Variants in GALNT17 observed in about 807,000 individuals in gnomAD.
GALNT17 encodes polypeptide N-acetylgalactosaminyltransferase 17.
In GALNT17, 29 loss-of-function variants were observed where a neutral mutation model predicts 63.7. That is an observed-to-expected ratio of 0.46 (90% confidence interval 0.34 to 0.62). GALNT17 has a LOEUF of 0.62. GALNT17 is among the 20% of genes least tolerant of loss of function. GALNT17 has a pLI of 0.01. For synonymous variants in GALNT17, 305 were observed against 318.3 expected (o/e 0.96, Z 0.45); for missense variants, 603 against 799.6 (o/e 0.75, Z 2.97).
chr7:71,313,409 C>A (rs963678954), intron 1 of GALNT17, among the ~76,000 whole-genome samples: 1 of 152,058 alleles, frequency 6.6e-6, no homozygotes, highest in Non-Finnish European at 1.5e-5. Flanking sequence ...GACACTCTTT[C>A]GGTAAATGGA....
chr7:71,245,794 A>C (rs1170836633), intron 1 of GALNT17, among the ~76,000 whole-genome samples: 1 of 151,348 alleles, frequency 6.6e-6, no homozygotes, highest in African/African-American at 2.4e-5. Flanking sequence ...AGGAGAAATC[A>C]ATAGGGGAAG....
chr7:71,182,564 G>A (rs1615456), intron 1 of GALNT17, among the ~76,000 whole-genome samples: 39,669 of 152,052 alleles, frequency 0.26, 9,562 homozygotes, highest in African/African-American at 0.65. Flanking sequence ...AACATTTGTA[G>A]GCAATCTAGT....
chr7:71,261,513 A>G (rs1178054822), intron 1 of GALNT17, among the ~76,000 whole-genome samples: 1 of 152,238 alleles, frequency 6.6e-6, no homozygotes, highest in African/African-American at 2.4e-5. Flanking sequence ...GCAGAATTAT[A>G]GAAGTGTCAA....
chr7:71,680,518 C>G (rs1339923723), intron 9 of GALNT17, among the ~76,000 whole-genome samples: 12 of 51,808 alleles, frequency 2.3e-4, no homozygotes, highest in Non-Finnish European at 3.9e-4. Flanking sequence ...CTCCCTCCCT[C>G]TCTCCCTTCC....
rs562488026 is a variant in GALNT17 at position 71,458,470 on chromosome 7, A to C, written c.962+37365A>C. Among the ~76,000 whole-genome samples, 6 of 152,266 alleles carry C rather than the reference A, an allele frequency of 3.9e-5. No individual in the cohort carries two copies. The East Asian group carries it at 1.2e-3, about 30-fold the overall frequency. ...AAGCCCTATTGGGCATGTTGCATTT[A>C]TACGTTTGTACTCAGATACATTTAG... On this transcript the variant is annotated intron_variant, in intron 5 of 10. Coordinates refer to ENST00000333538, the MANE Select transcript of GALNT17 (RefSeq NM_022479.3).
At chr7:71,491,362 A>G (rs151103604) in intron 5 of GALNT17, among the ~76,000 whole-genome samples, 1 of 152,216 alleles carries the variant, frequency 6.6e-6, no homozygotes, top group African/African-American at 2.4e-5. Flanking sequence ...CTAGACAGGA[A>G]TGTAAGAAGC....
At chr7:71,377,114 A>AAAAAAATATATAT in intron 2 of GALNT17, among the ~76,000 whole-genome samples, 6 of 57,466 alleles carry the variant, frequency 1.0e-4, no homozygotes, top group African/African-American at 1.9e-4. Context: ...AAATAAAAAA[A>AAAAAAATATATAT]ATATATATAT....
At chr7:71,421,139 C>T in intron 5 of GALNT17, 34 bp downstream of exon 5, 1 of 1,609,730 alleles carries the variant, frequency 6.2e-7, no homozygotes. Context: ...GGCCAACGAG[C>T]CCCCAAATTC....
At chr7:71,699,527 T>C (rs1309386817) in intron 9 of GALNT17, among the ~76,000 whole-genome samples, 1 of 145,580 alleles carries the variant, frequency 6.9e-6, no homozygotes, top group African/African-American at 2.5e-5. Context: ...GAGAGTGAAA[T>C]GTTGAATTAA....
intron 5 of GALNT17, among the ~76,000 whole-genome samples, chr7:71,428,920 C>G (rs981923921): frequency 8.1e-4 from 124 of 152,322 alleles, no homozygotes; most frequent in African/African-American, 2.9e-3. Context: ...GAGCATGTGT[C>G]TCCACTTCCA....
intron 4 of GALNT17, among the ~76,000 whole-genome samples, chr7:71,418,639 A>G (rs1786596083): frequency 6.6e-6 from 1 of 152,192 alleles, no homozygotes; most frequent in South Asian, 2.1e-4. Context: ...ACCAATTCAC[A>G]TGTCCAAGTT....
chr7:71,613,410 G>A (rs903357740), intron 6 of GALNT17, among the ~76,000 whole-genome samples: 1 of 152,130 alleles, frequency 6.6e-6, no homozygotes, highest in Non-Finnish European at 1.5e-5. Context: ...AAGAAACAGA[G>A]CAATCACATT....
At chr7:71,659,493 T>C (rs971821854) in intron 6 of GALNT17, among the ~76,000 whole-genome samples, 1 of 152,310 alleles carries the variant, frequency 6.6e-6, no homozygotes, top group East Asian at 1.9e-4. Context: ...ATATCTGGAA[T>C]AGCTGGGCCT....
chr7:71,603,128 T>C (rs1479734092), intron 6 of GALNT17, among the ~76,000 whole-genome samples: 3 of 151,398 alleles, frequency 2.0e-5, no homozygotes, highest in Non-Finnish European at 2.9e-5. Flanking sequence ...GCTAAGTGCA[T>C]ATACCAGATA....
chr7:71,609,816 A>G (rs1790098636), intron 6 of GALNT17, among the ~76,000 whole-genome samples: 1 of 152,174 alleles, frequency 6.6e-6, no homozygotes, highest in Admixed American at 6.5e-5. Context: ...CTAAGTTATT[A>G]TTAATAACTA....
chr7:71,443,152 C>T (rs538159632), intron 5 of GALNT17, among the ~76,000 whole-genome samples: 102 of 152,234 alleles, frequency 6.7e-4, no homozygotes, highest in Admixed American at 1.6e-3. Context: ...TCTTCATTTT[C>T]GAGGTCAGCT....
intron 5 of GALNT17, among the ~76,000 whole-genome samples, chr7:71,470,746 G>C (rs949959424): frequency 8.5e-5 from 13 of 152,146 alleles, no homozygotes; most frequent in Admixed American, 3.9e-4. Flanking sequence ...GTATTTTAGA[G>C]AGTGAGGGTG....
At chr7:71,686,207 G>A (rs928224680) in intron 9 of GALNT17, among the ~76,000 whole-genome samples, 1 of 151,928 alleles carries the variant, frequency 6.6e-6, no homozygotes. Context: ...CGCCTGCCTA[G>A]GCCTCCCAAA....
intron 1 of GALNT17, among the ~76,000 whole-genome samples, chr7:71,185,068 T>G (rs367875159): frequency 1.4e-5 from 2 of 142,272 alleles, no homozygotes; most frequent in East Asian, 2.1e-4. Context: ...TCCTTCTGCT[T>G]CTTTTTCTCC....
Sources: allele counts gnomAD v4.1 joint callset (sites outside exome capture counted in the v4.1 genomes callset), GRCh38; gene constraint gnomAD v4.1.1; transcripts MANE v1.5; gene names NCBI Gene and HGNC (gene_info 2026-07-23, HGNC 2026-07-21).